Variants in WDR17 observed in about 807,000 individuals in gnomAD.
WDR17 encodes WD repeat-containing protein 17.
WDR17 carries 143 observed loss-of-function variants against 161.7 expected under a neutral mutation model. That is an observed-to-expected ratio of 0.88 (90% CI 0.77 to 1.02). The LOEUF is 1.02. Among genes scored for constraint, WDR17 ranks in the 50% least tolerant of loss-of-function variants. The pLI is 0.00. For missense variants in WDR17, 1,469 were observed against 1,520.9 expected (o/e 0.97, Z 0.57); for synonymous variants, 517 against 515.6 (o/e 1.00, Z -0.04).
intron 22 of WDR17, 161 bp from the exon 23 acceptor site, chr4:176,168,511 C>T: frequency 1.4e-6 from 1 of 729,050 alleles, no homozygotes; most frequent in Admixed American, 3.3e-5. Context: ...GGGTAATCTG[C>T]ATTTACAGTA....
chr4:176,108,331 C>T (rs1034394661), intron 1 of WDR17, among the ~76,000 whole-genome samples: 1 of 151,942 alleles, frequency 6.6e-6, no homozygotes, highest in Non-Finnish European at 1.5e-5. Flanking sequence ...GTAAAGGCTA[C>T]ATAATGTACA....
chr4:176,179,166 A>G (rs1017252019), intron 28 of WDR17, among the ~76,000 whole-genome samples: 5 of 152,190 alleles, frequency 3.3e-5, no homozygotes, highest in Non-Finnish European at 5.9e-5. Flanking sequence ...CAGTTACCAG[A>G]TTAACAAAAC....
chr4:176,176,445 C>T (rs751704642), intron 26 of WDR17, among the ~76,000 whole-genome samples: 9 of 152,218 alleles, frequency 5.9e-5, no homozygotes, highest in Non-Finnish European at 1.0e-4. Context: ...CTCTCCATCC[C>T]ACTCTCCTCC....
intron 1 of WDR17, among the ~76,000 whole-genome samples, chr4:176,108,504 A>G (rs76187375): frequency 0.016 from 2,439 of 152,248 alleles, 61 homozygotes; most frequent in African/African-American, 0.054. Flanking sequence ...GATACCTATC[A>G]TTACACATTT....
chr4:176,174,603 AT>A lies in WDR17; in HGVS notation c.3348-13del. The stretch of plus-strand genomic sequence containing the variant: ...AATTGTGGAATTTATAAAAATAAAT[AT>A]ATTCTCTTTTAGAGCTCGAAATGAG... On this transcript the variant is annotated splice_polypyrimidine_tract_variant and intron_variant, in intron 25 of 28. Coordinates refer to ENST00000508596, the MANE Select transcript of WDR17 (RefSeq NM_181265.4). 4 of 1,578,748 alleles carry A rather than the reference AT, an allele frequency of 2.5e-6. No homozygotes were observed. Among genetic ancestry groups the A allele is most frequent in the Non-Finnish European group, 3.5e-6 (4 of 1,155,990 alleles).
intron 13 of WDR17, among the ~76,000 whole-genome samples, chr4:176,148,806 T>C (rs73871909): frequency 0.016 from 2,448 of 152,330 alleles, 61 homozygotes; most frequent in African/African-American, 0.054. Flanking sequence ...AATCCCGTTT[T>C]TTTAATATAA....
chr4:176,103,065 C>G (rs535375646), intron 1 of WDR17, among the ~76,000 whole-genome samples: 1 of 152,268 alleles, frequency 6.6e-6, no homozygotes, highest in Admixed American at 6.5e-5. Flanking sequence ...AGCTCCTCCC[C>G]CTCCAGCTGA....
chr4:176,115,323 A>G (rs936274380), intron 2 of WDR17, among the ~76,000 whole-genome samples: 4 of 151,996 alleles, frequency 2.6e-5, no homozygotes, highest in African/African-American at 9.7e-5. Flanking sequence ...AAAAAACAAT[A>G]AAATAAAAAG....
chr4:176,071,485 G>C (rs957106933), intron 1 of WDR17, among the ~76,000 whole-genome samples: 1 of 152,094 alleles, frequency 6.6e-6, no homozygotes, highest in Non-Finnish European at 1.5e-5. Context: ...ATTATGCCCA[G>C]CTAACTTTTT....
intron 22 of WDR17, among the ~76,000 whole-genome samples, chr4:176,165,061 T>C (rs1749569021): frequency 6.6e-6 from 1 of 151,928 alleles, no homozygotes; most frequent in African/African-American, 2.4e-5. Context: ...GCACAGTGGC[T>C]CACGCCTGTA....
At chr4:176,096,401 T>A in intron 1 of WDR17, 1 of 696,478 alleles carries the variant, frequency 1.4e-6, no homozygotes, top group Non-Finnish European at 2.4e-6. Flanking sequence ...GTACTGAACA[T>A]CATTTCACAA....
At chr4:176,073,900 CT>C (rs1434349704) in intron 1 of WDR17, among the ~76,000 whole-genome samples, 1 of 150,540 alleles carries the variant, frequency 6.6e-6, no homozygotes, top group Non-Finnish European at 1.5e-5. Flanking sequence ...GCATAAATGT[CT>C]TCTTTTGAGA....
chr4:176,137,707 A>G (rs1744642068), intron 9 of WDR17, 96 bp downstream of exon 9: 1 of 674,254 alleles, frequency 1.5e-6, no homozygotes, highest in African/African-American at 1.9e-5. Flanking sequence ...ATATCACTTA[A>G]TAATCAGGTG....
At chr4:176,143,689 G>GA (rs1408022084) in intron 11 of WDR17, among the ~76,000 whole-genome samples, 1 of 151,788 alleles carries the variant, frequency 6.6e-6, no homozygotes, top group Non-Finnish European at 1.5e-5. Flanking sequence ...AAATTTAAAA[G>GA]AAAAAAATTA....
intron 28 of WDR17, among the ~76,000 whole-genome samples, chr4:176,178,126 T>C (rs931224387): frequency 6.7e-6 from 1 of 148,810 alleles, no homozygotes; most frequent in Admixed American, 6.8e-5. Context: ...GCTTCCATGC[T>C]AGCCCAATGA....
chr4:176,167,660 A>AAAAAACAAC (rs1750043644), intron 22 of WDR17, among the ~76,000 whole-genome samples: 2 of 125,988 alleles, frequency 1.6e-5, no homozygotes, highest in Non-Finnish European at 3.5e-5. Context: ...AAAAAAAAAA[A>AAAAAACAAC]AAAAAAAAAA....
At position 176,150,054 on chromosome 4, in the gene WDR17, G is replaced by A. The variant is rs1746867152; in HGVS notation, c.2059G>A (p.Glu687Lys). ...TGTCTGTTCTTCAGATTATGCTATA[G>A]AACCAGGCACTCCTCCTCTACTGTG... ...EIIGNTDYAI[E>K]PGTPPLLCGK... The change falls in exon 15 of 29, where the codon GAA (glutamate) becomes AAA (lysine). Residue 687 changes from glutamate (E) to lysine (K), a missense_variant. Coordinates refer to ENST00000508596, the MANE Select transcript of WDR17 (RefSeq NM_181265.4). 6.2e-7 allele frequency: 1 copy of A among 1,613,740 alleles called. No homozygotes were observed. Among genetic ancestry groups the A allele is most frequent in the Non-Finnish European group, 8.5e-7 (1 of 1,179,962 alleles).
chr4:176,096,320 C>T, intron 1 of WDR17: 1 of 405,650 alleles, frequency 2.5e-6, no homozygotes, highest in Non-Finnish European at 4.4e-6. Flanking sequence ...CGATTTCTTT[C>T]TTATTTTCTT....
chr4:176,129,723 G>C (rs1743049985), intron 6 of WDR17, among the ~76,000 whole-genome samples: 1 of 152,146 alleles, frequency 6.6e-6, no homozygotes, highest in African/African-American at 2.4e-5. Flanking sequence ...GCAATGGCAA[G>C]TAGTAGAAAA....
Sources: allele counts gnomAD v4.1 joint callset (sites outside exome capture counted in the v4.1 genomes callset), GRCh38; gene constraint gnomAD v4.1.1; transcripts MANE v1.5; gene names NCBI Gene and HGNC (gene_info 2026-07-23, HGNC 2026-07-21).